The following IVD variants were observed in gnomAD, a reference collection of about 807,000 sequenced individuals.
IVD encodes the protein isovaleryl-CoA dehydrogenase, mitochondrial.
In IVD, 31 loss-of-function variants were observed where a neutral mutation model predicts 51.3. That is an observed-to-expected ratio of 0.60 (90% CI 0.45 to 0.81). The LOEUF (loss-of-function observed/expected upper bound fraction) is 0.81, where lower values mean the gene tolerates loss of function less well. Among genes scored for constraint, IVD ranks in the 40% least tolerant of loss-of-function variants. The pLI is 0.00. For synonymous variants in IVD, 205 were observed against 219.4 expected (o/e 0.93, Z 0.58); for missense variants, 475 against 552.0 (o/e 0.86, Z 1.40).
chr15:40,430,935 GC>G (rs991229869), intron 7 of IVD, among the ~76,000 whole-genome samples: 13 of 152,136 alleles, frequency 8.5e-5, no homozygotes, highest in African/African-American at 3.1e-4. Flanking sequence ...GCAACATTTT[GC>G]CCCCAATCTA....
Position 40,410,713 on chromosome 15 carries a change from C to T in IVD, c.372C>T (p.Leu124=), listed in dbSNP as rs964820890. The T allele has an allele frequency of 4.3e-6, 7 of 1,614,088 alleles. No homozygotes were observed. In the Admixed American group the frequency reaches 8.3e-5, roughly 19 times the overall value. Residue 124 remains leucine, a synonymous_variant, in exon 4 of 12, where the codon CTC becomes CTT. Transcript: ENST00000487418. ...CCCGAGCTTCCGGAGCAGTGGGGCT[C>T]AGTTACGGTGCCCACTCCAACCTCT... ...EISRASGAVG[L]SYGAHSNLCI... is the part of the protein sequence containing the mutation.
intron 1 of IVD, among the ~76,000 whole-genome samples, chr15:40,407,280 A>C (rs1890548436): frequency 6.6e-6 from 1 of 152,248 alleles, no homozygotes; most frequent in Admixed American, 6.5e-5. Flanking sequence ...CAGCTGGAGC[A>C]CAGAGGGTGG....
At chr15:40,428,918 G>A (rs147122987), downstream of IVD, among the ~76,000 whole-genome samples, 2 of 152,276 alleles carry the variant, frequency 1.3e-5, no homozygotes, top group Non-Finnish European at 2.9e-5. Context: ...CTCACATTGT[G>A]TGGATCCCAA....
At chr15:40,427,363 G>T (rs1049569471), downstream of IVD, among the ~76,000 whole-genome samples, 1 of 152,226 alleles carries the variant, frequency 6.6e-6, no homozygotes, top group Non-Finnish European at 1.5e-5. Flanking sequence ...TGTCAGACAC[G>T]CTGCAGGAGC....
chr15:40,417,318 A>T (rs1595794625), intron 11 of IVD, among the ~76,000 whole-genome samples: 1 of 150,406 alleles, frequency 6.6e-6, no homozygotes, highest in Non-Finnish European at 1.5e-5. Flanking sequence ...GACCAGCCTG[A>T]CCAACGTGGT....
intron 6 of IVD, among the ~76,000 whole-genome samples, chr15:40,412,275 A>G (rs1566937154): frequency 1.3e-5 from 2 of 152,250 alleles, no homozygotes; most frequent in African/African-American, 4.8e-5. Context: ...GATGGGTTAC[A>G]GGTGATGGTG....
chr15:40,415,213 G>A (rs1019071961), intron 8 of IVD, 188 bp from the exon 9 acceptor site: 118 of 732,238 alleles, frequency 1.6e-4, no homozygotes, highest in Non-Finnish European at 2.4e-4. Flanking sequence ...TGGCTTACTC[G>A]GCTGTGAAAC....
rs1158473430 is a variant in IVD at position 40,418,569 on chromosome 15, C to T, written c.*306C>T. 3.2e-6 allele frequency: 3 copies of T among 935,290 alleles called. No homozygotes were observed. The highest frequency in any genetic ancestry group is 4.1e-6 in the Non-Finnish European group (3 of 730,354). 57.9% of individuals were successfully genotyped at this position (935,290 alleles called of 1,614,324 possible). A position where few individuals can be genotyped will look rare whatever the true frequency, so the allele number is the denominator to read the frequency against. On this transcript the variant is annotated 3_prime_UTR_variant, in exon 12 of 12. Transcript: ENST00000487418. ...CTTGCTCTCTAACTTCTGAGCCCAC[C>T]TCCCAGGGTAGGCACCTGGGGGCAT...
At position 40,418,651 on chromosome 15, in the gene IVD, C is replaced by A; in HGVS notation, c.*388C>A. The A allele has an allele frequency of 8.7e-7, 1 of 1,150,698 alleles. No individual in the cohort carries two copies. Among genetic ancestry groups the A allele is most frequent in the South Asian group, 1.9e-5 (1 of 53,198 alleles). 71.3% of individuals were successfully genotyped at this position (1,150,698 alleles called of 1,614,324 possible). ...GGGGCATGCAGGTACCCACCTCTTT[C>A]TCTTGGGTGAGGCTCTGGCAAGGAG... On this transcript the variant is annotated 3_prime_UTR_variant, in exon 12 of 12. Transcript: ENST00000487418.
At chr15:40,426,463 G>A (rs1892679031), downstream of IVD, among the ~76,000 whole-genome samples, 1 of 150,334 alleles carries the variant, frequency 6.7e-6, no homozygotes, top group Non-Finnish European at 1.5e-5. Context: ...GCTAGAACCT[G>A]GGAGGCAGAG....
At chr15:40,422,570 A>C (rs1252736461), downstream of IVD, among the ~76,000 whole-genome samples, 2 of 100,734 alleles carry the variant, frequency 2.0e-5, no homozygotes, top group Admixed American at 1.3e-4. Flanking sequence ...GGCGTGAGCC[A>C]CCGCGCCCGG....
At chr15:40,410,488 G>C (rs1890945092) in intron 3 of IVD, 140 bp from the exon 4 acceptor site, 1 of 992,832 alleles carries the variant, frequency 1.0e-6, no homozygotes, top group African/African-American at 1.6e-5. Context: ...TGTGGCATCA[G>C]CTTATTCTTG....
rs181068238 is a variant in IVD at position 40,405,815 on chromosome 15, G to A, written c.-13G>A. ...GGCTCAGTTTCAGCGCTGGCTCTTC[G>A]TGCATGGCAGAGATGGCGACTGCGA... is the stretch of plus-strand genomic sequence containing the variant. On this transcript the variant is annotated 5_prime_UTR_variant, in exon 1 of 12. The change creates a new upstream start codon in the 5' untranslated region. Transcript: ENST00000487418. 4 of 1,610,408 alleles carry A rather than the reference G, an allele frequency of 2.5e-6. No individual in the cohort carries two copies. The Admixed American group carries it at 6.7e-5, about 27-fold the overall frequency.
intron 1 of IVD, 163 bp downstream of exon 1, chr15:40,406,134 A>C (rs1890382578): frequency 7.8e-6 from 12 of 1,537,732 alleles, no homozygotes; most frequent in African/African-American, 4.1e-5. Context: ...GGGGCCTCCG[A>C]CCTCGGGTCC....
intron 3 of IVD, among the ~76,000 whole-genome samples, chr15:40,409,900 G>A (rs541732947): frequency 2.7e-5 from 4 of 149,058 alleles, no homozygotes; most frequent in African/African-American, 7.4e-5. Flanking sequence ...GCAGTGGCGC[G>A]ATCTCGGCTC....
intron 7 of IVD, among the ~76,000 whole-genome samples, chr15:40,432,559 A>C (rs1893038368): frequency 6.6e-6 from 1 of 152,256 alleles, no homozygotes; most frequent in African/African-American, 2.4e-5. Flanking sequence ...AGGTTAAGTG[A>C]AGATGGCAAA....
At chr15:40,422,276 C>G (rs1892361828), downstream of IVD, among the ~76,000 whole-genome samples, 1 of 152,114 alleles carries the variant, frequency 6.6e-6, no homozygotes, top group African/African-American at 2.4e-5. Flanking sequence ...CTATTACCAT[C>G]ATTTCATAAA....
intron 9 of IVD, 47 bp downstream of exon 9, chr15:40,415,529 G>C (rs752699525): frequency 6.5e-7 from 1 of 1,541,282 alleles, no homozygotes; most frequent in Non-Finnish European, 8.9e-7. Flanking sequence ...CTGGGCTAAA[G>C]TTTTCTTTGA....
downstream of IVD, among the ~76,000 whole-genome samples, chr15:40,422,615 T>TTTTTTTTTTTTTTTTG (rs1457258132): frequency 1.1e-5 from 1 of 87,276 alleles, no homozygotes; most frequent in Non-Finnish European, 2.3e-5. Flanking sequence ...TTTTTTTTTT[T>TTTTTTTTTTTTTTTTG]TTAAGACGGA....
Sources: allele counts gnomAD v4.1 joint callset (sites outside exome capture counted in the v4.1 genomes callset), GRCh38; gene constraint gnomAD v4.1.1; transcripts MANE v1.5; gene names NCBI Gene and HGNC (gene_info 2026-07-23, HGNC 2026-07-21).